The following XYLT1 variants were observed in gnomAD, a reference collection of about 807,000 sequenced individuals.
XYLT1 encodes xylosyltransferase 1, also known as beta-D-xylosyltransferase 1.
Under a neutral mutation model 91.3 loss-of-function variants are expected in XYLT1, and 36 were observed. The observed-to-expected ratio is 0.39, with a 90% CI of 0.30 to 0.52. XYLT1 has a LOEUF of 0.52. Ranked by LOEUF, XYLT1 falls within the 20% of genes least tolerant of loss-of-function variation. XYLT1 has a pLI of 0.68. For synonymous variants in XYLT1, 588 were observed against 532.0 expected (o/e 1.11, Z -1.45); for missense variants, 1,242 against 1,284.5 (o/e 0.97, Z 0.51).
intron 3 of XYLT1, among the ~76,000 whole-genome samples, chr16:17,213,703 C>T (rs2032804517): frequency 6.6e-6 from 1 of 152,036 alleles, no homozygotes; most frequent in Admixed American, 6.5e-5. Flanking sequence ...ACTGCAACCT[C>T]CGCCTCCTGG....
chr16:17,272,015 G>T (rs2033902328), intron 2 of XYLT1, among the ~76,000 whole-genome samples: 1 of 152,120 alleles, frequency 6.6e-6, no homozygotes, highest in South Asian at 2.1e-4. Context: ...AGGGAGAAAT[G>T]GCAGCTGCAT....
At chr16:17,427,541 C>G (rs1178696839) in intron 1 of XYLT1, among the ~76,000 whole-genome samples, 1 of 152,216 alleles carries the variant, frequency 6.6e-6, no homozygotes. Context: ...ATCTTGGCCT[C>G]CCAAAGCGCT....
intron 1 of XYLT1, among the ~76,000 whole-genome samples, chr16:17,427,798 C>T (rs1385609708): frequency 2.0e-5 from 3 of 151,992 alleles, no homozygotes; most frequent in African/African-American, 7.3e-5. Context: ...AATAAGCCAG[C>T]TACATACATT....
chr16:17,235,303 T>C (rs952317054), intron 3 of XYLT1, among the ~76,000 whole-genome samples: 2 of 111,366 alleles, frequency 1.8e-5, no homozygotes, highest in East Asian at 2.1e-4. Flanking sequence ...TCATCATCAT[T>C]ATCATCTTTT....
intron 2 of XYLT1, among the ~76,000 whole-genome samples, chr16:17,334,221 AAAC>A: frequency 6.6e-6 from 1 of 152,182 alleles, no homozygotes. Flanking sequence ...TCAGCAGCAT[AAAC>A]AACTTAGGCC....
chr16:17,458,309 G>T (rs556730640), intron 1 of XYLT1, among the ~76,000 whole-genome samples: 10 of 152,166 alleles, frequency 6.6e-5, no homozygotes, highest in Non-Finnish European at 1.2e-4. Flanking sequence ...CCCATTTGGG[G>T]ACCCATTCAT....
intron 8 of XYLT1, chr16:17,137,498 T>G (rs2141513019): frequency 6.6e-6 from 1 of 152,456 alleles, no homozygotes; most frequent in African/African-American, 2.4e-5. Flanking sequence ...CACTCATATT[T>G]GTGCTCTCTG....
chr16:17,231,061 A>G (rs1225477483), intron 3 of XYLT1, among the ~76,000 whole-genome samples: 1 of 152,166 alleles, frequency 6.6e-6, no homozygotes, highest in Admixed American at 6.5e-5. Context: ...TGTGCCTCTC[A>G]AGGAACTCTA....
chr16:17,143,629 T>C (rs1381548047), intron 6 of XYLT1, among the ~76,000 whole-genome samples: 1 of 152,234 alleles, frequency 6.6e-6, no homozygotes, highest in Non-Finnish European at 1.5e-5. Context: ...CCCTTCAGTG[T>C]TCCCTGAGTG....
At chr16:17,383,340 C>T (rs940064011) in intron 1 of XYLT1, among the ~76,000 whole-genome samples, 4 of 151,918 alleles carry the variant, frequency 2.6e-5, no homozygotes, top group South Asian at 2.1e-4. Flanking sequence ...CTTTCCTGAC[C>T]TCCGAAGATA....
intron 3 of XYLT1, among the ~76,000 whole-genome samples, chr16:17,203,663 C>T (rs2032585004): frequency 6.6e-6 from 1 of 152,194 alleles, no homozygotes; most frequent in Admixed American, 6.5e-5. Flanking sequence ...TTGCTCCACC[C>T]ATTCATCCAT....
intron 6 of XYLT1, among the ~76,000 whole-genome samples, chr16:17,151,932 G>C (rs1362844030): frequency 6.6e-6 from 1 of 152,162 alleles, no homozygotes; most frequent in East Asian, 1.9e-4. Flanking sequence ...CCTGAGGCTG[G>C]AGTACCTGGG....
chr16:17,183,331 CT>C (rs1484825216), intron 5 of XYLT1, among the ~76,000 whole-genome samples: 2 of 152,274 alleles, frequency 1.3e-5, no homozygotes, highest in East Asian at 3.9e-4. Flanking sequence ...ACAACTCTGC[CT>C]CCTGGATTCT....
chr16:17,377,806 G>A (rs949568118), intron 1 of XYLT1, among the ~76,000 whole-genome samples: 2 of 152,148 alleles, frequency 1.3e-5, no homozygotes, highest in Non-Finnish European at 1.5e-5. Context: ...TCTAGAAAGG[G>A]GAGGGTGTAC....
chr16:17,328,217 A>G (rs1417130700), intron 2 of XYLT1, among the ~76,000 whole-genome samples: 1 of 152,078 alleles, frequency 6.6e-6, no homozygotes, highest in Non-Finnish European at 1.5e-5. Context: ...AGGGTTGAGA[A>G]GCAGGGCCAG....
chr16:17,117,209 C>G (rs1383383750), intron 11 of XYLT1, among the ~76,000 whole-genome samples: 1 of 152,188 alleles, frequency 6.6e-6, no homozygotes, highest in African/African-American at 2.4e-5. Context: ...AACATGAGTA[C>G]TTTAAAAAAA....
intron 5 of XYLT1, among the ~76,000 whole-genome samples, chr16:17,171,198 T>C (rs2031812556): frequency 6.6e-6 from 1 of 152,148 alleles, no homozygotes; most frequent in Non-Finnish European, 1.5e-5. Context: ...TATCATGAAT[T>C]CTCCAGGACT....
intron 11 of XYLT1, among the ~76,000 whole-genome samples, chr16:17,112,616 G>A (rs1355571253): frequency 6.6e-6 from 1 of 152,148 alleles, no homozygotes; most frequent in Non-Finnish European, 1.5e-5. Flanking sequence ...ATTAGACATC[G>A]TTAGAGATGG....
At chr16:17,256,540 A>G (rs2033633888) in intron 3 of XYLT1, among the ~76,000 whole-genome samples, 1 of 151,568 alleles carries the variant, frequency 6.6e-6, no homozygotes, top group African/African-American at 2.4e-5. Flanking sequence ...AATCCCAGTT[A>G]CTCGGGAGGC....
Sources: gnomAD v4.1 joint callset for allele counts (sites outside exome capture counted in the v4.1 genomes callset) on GRCh38, gnomAD v4.1.1 for gene constraint, MANE v1.5 for transcripts, NCBI Gene and HGNC (gene_info 2026-07-23, HGNC 2026-07-21) for gene names.